YEATS2: variants seen among roughly 807,000 people sequenced by gnomAD.
The protein encoded by YEATS2 is YEATS domain containing 2, also known as YEATS domain-containing protein 2.
Under a neutral mutation model 163.2 loss-of-function variants are expected in YEATS2, and 77 were observed. The observed-to-expected ratio is 0.47, with a 90% CI of 0.39 to 0.57. The LOEUF is 0.57. Ranked by LOEUF, YEATS2 falls within the 20% of genes least tolerant of loss-of-function variation. The pLI, the probability that YEATS2 is intolerant of heterozygous loss-of-function variation, is 0.00. For missense variants in YEATS2, 1,549 were observed against 1,729.8 expected, an observed-to-expected ratio of 0.90 and a Z score of 1.85; for synonymous variants, 631 against 645.1, an observed-to-expected ratio of 0.98 and a Z score of 0.33.
chr3:183,797,782 CCTG>C, intron 21 of YEATS2, 138 bp from the exon 22 acceptor site: 1 of 997,572 alleles, frequency 1.0e-6, no homozygotes, highest in South Asian at 1.6e-5. Context: ...TCTGTTGTCT[CCTG>C]CTTCTTGCTC....
chr3:183,737,040 T>C lies in YEATS2; in HGVS notation c.924+211T>C, dbSNP rs117502782. Among the ~76,000 whole-genome samples, 1,737 of 152,288 alleles carry C rather than the reference T, an allele frequency of 0.011. 67 individuals carry two copies. In the East Asian group the frequency reaches 0.14, roughly 13 times the overall value. ...GTCAATTAACACATATTTTGTATCTTATATATATTATGGACTATATTCTTA... is the reference window on the plus strand; with the variant it reads ...GTCAATTAACACATATTTTGTATCTCATATATATTATGGACTATATTCTTA... On this transcript the variant is annotated intron_variant, in intron 8 of 30. Transcript: ENST00000305135.
chr3:183,731,634 A>G (rs938667409), intron 7 of YEATS2, among the ~76,000 whole-genome samples: 1 of 152,192 alleles, frequency 6.6e-6, no homozygotes, highest in Non-Finnish European at 1.5e-5. Context: ...TTATCAAGAT[A>G]TATTATAACA....
At chr3:183,715,673 T>C (rs915787451) in intron 2 of YEATS2, among the ~76,000 whole-genome samples, 1 of 152,328 alleles carries the variant, frequency 6.6e-6, no homozygotes, top group African/African-American at 2.4e-5. Context: ...GTTCCATAGC[T>C]ACAAGGATAA....
At position 183,788,486 on chromosome 3, in the gene YEATS2, T is replaced by G. The variant is rs572093177; in HGVS notation, c.2913+2185T>G. Among the ~76,000 whole-genome samples, 15 of 152,382 alleles carry G rather than the reference T, an allele frequency of 9.8e-5. 1 individual carries two copies. The South Asian group carries it at 3.1e-3, about 32-fold the overall frequency. On this transcript the variant is annotated intron_variant, in intron 20 of 30. Transcript: ENST00000305135. ...TGTTGCAAATGACAGGATTTCATTC[T>G]TTCTTATAACGGAATAATATTGTAT...
chr3:183,712,020 A>G (rs1350787605), intron 1 of YEATS2, among the ~76,000 whole-genome samples: 6 of 151,108 alleles, frequency 4.0e-5, no homozygotes, highest in African/African-American at 1.2e-4. Context: ...GATTTTCACC[A>G]TGTTGGCTAG....
intron 10 of YEATS2, 23 bp downstream of exon 10, chr3:183,752,276 A>G: frequency 6.2e-7 from 1 of 1,613,924 alleles, no homozygotes; most frequent in Non-Finnish European, 8.5e-7. Flanking sequence ...TTTTCCTTGC[A>G]TAGCGTTGTT....
intron 8 of YEATS2, among the ~76,000 whole-genome samples, chr3:183,746,641 T>A (rs985813904): frequency 6.7e-6 from 1 of 148,674 alleles, no homozygotes; most frequent in African/African-American, 2.5e-5. Context: ...TGAAAATGGA[T>A]GTAACCTAAA....
chr3:183,809,756 C>A (rs967520337), intron 30 of YEATS2, among the ~76,000 whole-genome samples: 1 of 152,182 alleles, frequency 6.6e-6, no homozygotes, highest in Non-Finnish European at 1.5e-5. Flanking sequence ...AGATAGGCCA[C>A]ATCTGCTTTT....
intron 4 of YEATS2, among the ~76,000 whole-genome samples, chr3:183,720,309 A>C (rs1716361329): frequency 2.6e-5 from 4 of 152,236 alleles, no homozygotes; most frequent in Admixed American, 2.6e-4. Context: ...CATAGGGGTT[A>C]GGATTGACCT....
chr3:183,807,995 C>A, intron 28 of YEATS2, 35 bp from the exon 29 acceptor site: 1 of 1,523,994 alleles, frequency 6.6e-7, no homozygotes, highest in Non-Finnish European at 8.9e-7. Flanking sequence ...TCTAAAGCAG[C>A]GATACGAACA....
Position 183,762,125 on chromosome 3 carries a change from C to T in YEATS2, c.1793C>T (p.Ala598Val), listed in dbSNP as rs1361586572. 1 of 1,614,018 alleles carries T rather than the reference C, an allele frequency of 6.2e-7. No homozygotes were observed. Among genetic ancestry groups the T allele is most frequent in the African/African-American group, 1.3e-5 (1 of 74,916 alleles). ...KVIIKQEPGE[A>V]PHVPATGAAS... is the part of the protein sequence containing the mutation. ...ATCATCAAACAGGAACCTGGTGAAG[C>T]CCCTCACGTGCCCGCAACAGGAGCT... The change falls in exon 15 of 31, where the codon GCC (alanine) becomes GTC (valine). Residue 598 changes from alanine (A) to valine (V), a missense_variant. Physicochemically the swap from Ala to Val is moderately conservative, Grantham distance 64 (BLOSUM62 0). Coordinates refer to ENST00000305135, the MANE Select transcript of YEATS2 (RefSeq NM_018023.5).
chr3:183,707,953 C>T (rs1043346969), intron 1 of YEATS2, among the ~76,000 whole-genome samples: 14 of 152,008 alleles, frequency 9.2e-5, no homozygotes, highest in South Asian at 2.1e-4. Context: ...AGATTATAGG[C>T]GTGAGCAGCC....
chr3:183,730,057 T>TTTTTTTTG (rs1717592404), intron 7 of YEATS2, among the ~76,000 whole-genome samples: 3 of 29,970 alleles, frequency 1.0e-4, no homozygotes, highest in African/African-American at 5.9e-4. Context: ...TGTTTGTTTT[T>TTTTTTTTG]TTTTTTTTTT....
chr3:183,700,171 C>T (rs886643659), intron 1 of YEATS2, among the ~76,000 whole-genome samples: 3 of 152,152 alleles, frequency 2.0e-5, no homozygotes, highest in East Asian at 3.9e-4. Context: ...AAATAGGTAG[C>T]TTGACATACA....
intron 1 of YEATS2, among the ~76,000 whole-genome samples, chr3:183,699,463 A>T (rs960281824): frequency 1.3e-5 from 2 of 151,902 alleles, no homozygotes; most frequent in Admixed American, 6.6e-5. Flanking sequence ...CTGAAATCCC[A>T]GCACTTTGAG....
chr3:183,719,019 C>T (rs963455273), intron 4 of YEATS2, among the ~76,000 whole-genome samples: 2 of 151,984 alleles, frequency 1.3e-5, no homozygotes, highest in African/African-American at 4.8e-5. Flanking sequence ...CATTGACCTT[C>T]AGAATCCAAG....
chr3:183,709,491 T>C (rs1010354313), intron 1 of YEATS2, among the ~76,000 whole-genome samples: 3 of 151,142 alleles, frequency 2.0e-5, no homozygotes, highest in South Asian at 2.1e-4. Flanking sequence ...TGCACTACCA[T>C]GGCCGGCTAA....
At chr3:183,803,746 C>T (rs549047466) in intron 26 of YEATS2, 14 of 529,740 alleles carry the variant, frequency 2.6e-5, no homozygotes, top group South Asian at 1.5e-4. Context: ...AGTGGGAGAG[C>T]GCAGGTGGAG....
At chr3:183,722,315 G>A (rs1716600302) in intron 5 of YEATS2, among the ~76,000 whole-genome samples, 179 bp downstream of exon 5, 2 of 113,354 alleles carry the variant, frequency 1.8e-5, no homozygotes, top group African/African-American at 4.4e-5. Context: ...TTGAGACAGA[G>A]TTTTGCTCTG....
Sources: gnomAD v4.1 joint callset for allele counts (sites outside exome capture counted in the v4.1 genomes callset) on GRCh38, gnomAD v4.1.1 for gene constraint, MANE v1.5 for transcripts, NCBI Gene and HGNC (gene_info 2026-07-23, HGNC 2026-07-21) for gene names.